The following TRDN variants were observed in gnomAD, a reference collection of about 807,000 sequenced individuals.
The protein encoded by TRDN is triadin.
In TRDN, 161 loss-of-function variants were observed where a neutral mutation model predicts 149.7. The ratio of observed to expected loss-of-function variants is 1.08; its 90% CI spans 0.95 to 1.23. The LOEUF is 1.23. Among genes scored for constraint, TRDN ranks in the 50% most tolerant of loss-of-function variants. The pLI, the probability that TRDN is intolerant of heterozygous loss-of-function variation, is 0.00. For missense variants in TRDN, 896 were observed against 823.5 expected (o/e 1.09, Z -1.08); for synonymous variants, 294 against 250.5 (o/e 1.17, Z -1.64).
chr6:123,366,009 T>C (rs1781085669), intron 20 of TRDN, 126 bp downstream of exon 20: 1 of 770,434 alleles, frequency 1.3e-6, no homozygotes, highest in Non-Finnish European at 2.0e-6. Flanking sequence ...TAGGTTTGTT[T>C]CTATATCAAC....
intron 21 of TRDN, among the ~76,000 whole-genome samples, chr6:123,342,065 G>A (rs1337377140): frequency 6.6e-6 from 1 of 151,796 alleles, no homozygotes; most frequent in Non-Finnish European, 1.5e-5. Flanking sequence ...TGTGTGCCTC[G>A]GCTGCAAGCA....
intron 8 of TRDN, among the ~76,000 whole-genome samples, chr6:123,499,461 T>C (rs1403225063): frequency 6.6e-6 from 1 of 151,484 alleles, no homozygotes; most frequent in Admixed American, 6.6e-5. Context: ...CCCAGAACTT[T>C]CGGAGGCTGA....
chr6:123,224,089 T>C lies in TRDN; in HGVS notation c.2014+4A>G. On this transcript the variant is annotated splice_donor_region_variant and intron_variant, in intron 39 of 40. Coordinates refer to ENST00000334268, the MANE Select transcript of TRDN (RefSeq NM_006073.4). ...TGTAAATGATCCAAAGACAGCAAAC[T>C]CACCTTTAGCTTTCTTTGAAGCTGG... is the stretch of plus-strand genomic sequence containing the variant. 6.2e-7 allele frequency: 1 copy of C among 1,608,434 alleles called. No individual in the cohort carries two copies. Among genetic ancestry groups the C allele is most frequent in the Non-Finnish European group, 8.5e-7 (1 of 1,176,936 alleles).
chr6:123,384,667 C>T (rs572615921), intron 14 of TRDN, among the ~76,000 whole-genome samples: 87 of 152,012 alleles, frequency 5.7e-4, no homozygotes, highest in Non-Finnish European at 1.2e-3. Context: ...TATCAGATAT[C>T]AATTGTATTA....
intron 38 of TRDN, among the ~76,000 whole-genome samples, chr6:123,238,844 A>G (rs1186042246): frequency 6.6e-6 from 1 of 151,948 alleles, no homozygotes; most frequent in Non-Finnish European, 1.5e-5. Flanking sequence ...TTTTTGTTTT[A>G]TTTTGTTTTG....
chr6:123,375,720 TAAAGATTGTGTGTATA>T, intron 18 of TRDN, 89 bp from the exon 19 acceptor site: 1 of 1,097,206 alleles, frequency 9.1e-7, no homozygotes. Flanking sequence ...CTTAATTGTT[TAAAGATTGTGTGTATA>T]ATATTGGAAG....
chr6:123,571,073 G>A lies in TRDN; in HGVS notation c.82C>T (p.Pro28Ser), dbSNP rs535781216. Residue 28 changes from proline to serine, a missense_variant, in exon 2 of 41, where the codon CCC (proline) becomes TCC (serine). Pro to Ser is a moderately conservative substitution (Grantham distance 74). Transcript: ENST00000334268. ...DSKNGSVPKS[P>S]GKVLKRTVTE... ...ACTGTCCTCTTCAGCACTTTTCCGG[G>A]GGATTTGGGCACAGATCCATTTTTG... 4 of 1,613,902 alleles carry A rather than the reference G, an allele frequency of 2.5e-6. No individual in the cohort carries two copies. Among genetic ancestry groups the A allele is most frequent in the South Asian group, 2.2e-5 (2 of 91,074 alleles).
chr6:123,438,537 C>G (rs770018798), intron 11 of TRDN, among the ~76,000 whole-genome samples: 5 of 151,990 alleles, frequency 3.3e-5, no homozygotes, highest in Non-Finnish European at 5.9e-5. Context: ...TTGAAAACAA[C>G]CAATTAAAAT....
chr6:123,512,686 T>C (rs1364700451), intron 6 of TRDN, among the ~76,000 whole-genome samples: 1 of 152,178 alleles, frequency 6.6e-6, no homozygotes, highest in Non-Finnish European at 1.5e-5. Flanking sequence ...TCAAAAAATA[T>C]GTCATTATGT....
intron 2 of TRDN, among the ~76,000 whole-genome samples, chr6:123,551,271 A>G (rs1781374509): frequency 7.0e-6 from 1 of 143,440 alleles, no homozygotes; most frequent in Non-Finnish European, 1.5e-5. Context: ...TGAAGTTATC[A>G]TTGCTAGCTT....
chr6:123,349,422 T>C, intron 21 of TRDN: 1 of 692,372 alleles, frequency 1.4e-6, no homozygotes, highest in Non-Finnish European at 1.8e-6. Context: ...TCAATAAATA[T>C]TAAACAACCA....
chr6:123,592,988 A>T (rs759276587), intron 1 of TRDN, among the ~76,000 whole-genome samples: 3 of 152,196 alleles, frequency 2.0e-5, no homozygotes, highest in Non-Finnish European at 4.4e-5. Context: ...TGGATATTAA[A>T]CTCATTGGTT....
chr6:123,481,814 G>A (rs907399121), intron 9 of TRDN, among the ~76,000 whole-genome samples: 4 of 152,102 alleles, frequency 2.6e-5, no homozygotes, highest in Non-Finnish European at 5.9e-5. Context: ...CACTTAGCAC[G>A]CTAGGCCAGG....
intron 2 of TRDN, among the ~76,000 whole-genome samples, chr6:123,550,645 T>A (rs920404636): frequency 6.6e-6 from 1 of 152,050 alleles, no homozygotes; most frequent in Admixed American, 6.6e-5. Context: ...TATCCCATGG[T>A]TTATACTGAT....
intron 1 of TRDN, among the ~76,000 whole-genome samples, chr6:123,573,120 C>A (rs942890560): frequency 6.6e-6 from 1 of 152,038 alleles, no homozygotes; most frequent in African/African-American, 2.4e-5. Context: ...AAAAGTTATG[C>A]TTTGGGCTTC....
chr6:123,582,669 G>T (rs1018979414), intron 1 of TRDN, among the ~76,000 whole-genome samples: 3 of 152,242 alleles, frequency 2.0e-5, no homozygotes, highest in East Asian at 1.9e-4. Flanking sequence ...GCAGGAACCC[G>T]CGATCTGGAT....
chr6:123,585,514 A>G (rs2114598429), intron 1 of TRDN, among the ~76,000 whole-genome samples: 1 of 152,234 alleles, frequency 6.6e-6, no homozygotes, highest in South Asian at 2.1e-4. Context: ...GGCATCCATG[A>G]TGGTCTAGGG....
chr6:123,257,270 G>T (rs1193719365), intron 35 of TRDN, among the ~76,000 whole-genome samples: 1 of 150,070 alleles, frequency 6.7e-6, no homozygotes, highest in Admixed American at 6.6e-5. Context: ...GAGCAACCAC[G>T]CCCGGCATGT....
At position 123,477,709 on chromosome 6, in the gene TRDN, A is replaced by T. The variant is rs539990092; in HGVS notation, c.854-12726T>A. On this transcript the variant is annotated intron_variant, in intron 9 of 40. Coordinates refer to ENST00000334268, the MANE Select transcript of TRDN (RefSeq NM_006073.4). ...GATTAAGAAAATGTGGCACATATAC[A>T]CCATGGAATACTATGCACCATAAAA... Among the ~76,000 whole-genome samples the T allele has an allele frequency of 2.0e-5, 3 of 152,216 alleles. No homozygotes were observed. In the East Asian group the frequency reaches 5.8e-4, roughly 29 times the overall value.
Sources: gnomAD v4.1 joint callset for allele counts (sites outside exome capture counted in the v4.1 genomes callset) on GRCh38, gnomAD v4.1.1 for gene constraint, MANE v1.5 for transcripts, NCBI Gene and HGNC (gene_info 2026-07-23, HGNC 2026-07-21) for gene names.